The following PRKCD variants were observed in gnomAD, a reference collection of about 807,000 sequenced individuals.
PRKCD encodes protein kinase C delta type.
A neutral mutation model predicts 82.2 loss-of-function variants in PRKCD; 20 were observed. The ratio of observed to expected loss-of-function variants is 0.24; its 90% confidence interval spans 0.17 to 0.35. The LOEUF is 0.35. Ranked by LOEUF, PRKCD falls within the 10% of genes least tolerant of loss-of-function variation. The pLI, the probability that PRKCD is intolerant of heterozygous loss-of-function variation, is 1.00. For missense variants in PRKCD, 607 were observed against 899.0 expected (o/e 0.68, Z 4.15); for synonymous variants, 317 against 337.0 (o/e 0.94, Z 0.65).
chr3:53,183,313 T>C, intron 8 of PRKCD, 107 bp downstream of exon 8: 1 of 1,472,768 alleles, frequency 6.8e-7, no homozygotes, highest in Non-Finnish European at 9.4e-7. Context: ...TCCCTCCCCA[T>C]TTTTCTTAGT....
intron 1 of PRKCD, 23 bp downstream of exon 1, chr3:53,161,451 C>T (rs1446136602): frequency 2.0e-5 from 3 of 151,874 alleles, no homozygotes; most frequent in African/African-American, 7.2e-5. Flanking sequence ...CGGGTCCGGG[C>T]GCGGGATCGG....
Position 53,188,754 on chromosome 3 carries a change from G to A in PRKCD, c.1450G>A (p.Asp484Asn), listed in dbSNP as rs1703807403. ...ACTGGACAATGTGCTGCTGGACCGG[G>A]ATGGCCACATCAAGATTGCCGACTT... The part of the protein sequence containing the change: ...LKLDNVLLDR[D>N]GHIKIADFGM... The change falls in exon 16 of 19, where the codon GAT becomes AAT. Residue 484 changes from aspartate to asparagine, a missense_variant. Physicochemically the swap from Asp to Asn is conservative, Grantham distance 23 (BLOSUM62 1). Transcript: ENST00000330452. 2 of 1,614,094 alleles carry A rather than the reference G, an allele frequency of 1.2e-6. No individual in the cohort carries two copies. Among genetic ancestry groups the A allele is most frequent in the African/African-American group, 2.7e-5 (2 of 74,940 alleles).
At chr3:53,187,311 G>A (rs781888429) in intron 14 of PRKCD, 29 bp from the exon 15 acceptor site, 18 of 1,613,726 alleles carry the variant, frequency 1.1e-5, no homozygotes, top group African/African-American at 9.3e-5. Context: ...CAGAGATCCC[G>A]GAACACTTTA....
chr3:53,188,961 C>T, intron 16 of PRKCD, 97 bp from the exon 17 acceptor site: 1 of 1,580,464 alleles, frequency 6.3e-7, no homozygotes, highest in Non-Finnish European at 8.6e-7. Context: ...AGCCAAAGCC[C>T]ATAGGCTGAG....
chr3:53,164,334 C>T (rs1223784784), intron 1 of PRKCD, among the ~76,000 whole-genome samples: 5 of 152,172 alleles, frequency 3.3e-5, no homozygotes, highest in African/African-American at 1.2e-4. Context: ...CCTGTAATCC[C>T]AGCATTTTGG....
chr3:53,191,146 C>T (rs1182480820), intron 18 of PRKCD, among the ~76,000 whole-genome samples: 1 of 152,150 alleles, frequency 6.6e-6, no homozygotes. Context: ...CACAGTGGCC[C>T]ACACCAGCAC....
intron 2 of PRKCD, among the ~76,000 whole-genome samples, chr3:53,172,787 C>T (rs1703081757): frequency 6.6e-6 from 1 of 152,196 alleles, no homozygotes; most frequent in South Asian, 2.1e-4. Context: ...TCTGAGGCAG[C>T]CTCCCTCTGC....
In PRKCD at chr3:53,169,036, G is replaced by C. The variant is rs1232951131; in HGVS notation, c.-20+3821G>C. Among the ~76,000 whole-genome samples, 1 of 152,124 alleles carries C rather than the reference G, an allele frequency of 6.6e-6. No homozygotes were observed. The highest frequency in any genetic ancestry group is 2.4e-5 in the African/African-American group (1 of 41,402). On this transcript the variant is annotated intron_variant, in intron 2 of 18. Coordinates refer to ENST00000330452, the MANE Select transcript of PRKCD (RefSeq NM_006254.4). This position sits in a 1 kb window ranked among gnomAD's most constrained non-coding sequence, Gnocchi z 4.7. Reference sequence around the variant, plus strand: ...CAGTCAGAAGACAGGTGCAGAGCCTGGGGATGGTGGTGGTGGGAGAAGAGG... The same window carrying C: ...CAGTCAGAAGACAGGTGCAGAGCCTCGGGATGGTGGTGGTGGGAGAAGAGG...
chr3:53,179,738 G>C lies in PRKCD; in HGVS notation c.277G>C (p.Glu93Gln). Residue 93 changes from glutamate (E) to glutamine (Q), a missense_variant, in exon 4 of 19, where the codon GAG (glutamate) becomes CAG (glutamine). By Grantham distance (29) the Glu-to-Gln change is conservative (BLOSUM62 2). Coordinates refer to ENST00000330452, the MANE Select transcript of PRKCD (RefSeq NM_006254.4). The stretch of plus-strand genomic sequence containing the variant: ...GACCGTGGGTGTGTCGGTGCTGGCC[G>C]AGCGCTGCAAGAAGAACAATGGCAA... The part of the protein sequence containing the change: ...EVTVGVSVLA[E>Q]RCKKNNGKAE... 1 of 1,587,152 alleles carries C rather than the reference G, an allele frequency of 6.3e-7. No individual in the cohort carries two copies. Among genetic ancestry groups the C allele is most frequent in the Non-Finnish European group, 8.6e-7 (1 of 1,164,966 alleles).
intron 3 of PRKCD, 129 bp downstream of exon 3, chr3:53,178,666 C>A (rs990339842): frequency 4.0e-6 from 3 of 742,814 alleles, no homozygotes; most frequent in Non-Finnish European, 6.3e-6. Context: ...TGACTCCCTG[C>A]CCCACTCAGC....
intron 1 of PRKCD, among the ~76,000 whole-genome samples, chr3:53,162,410 C>G (rs1003405707): frequency 2.6e-5 from 4 of 152,166 alleles, no homozygotes; most frequent in African/African-American, 9.7e-5. Flanking sequence ...TCAGAAGGAT[C>G]TGCTGTGAGT....
Position 53,189,926 on chromosome 3 carries a change from C to T in PRKCD, c.1797C>T (p.Ile599=). The change falls in exon 18 of 19, where the codon ATC becomes ATT. Residue 599 remains isoleucine, a synonymous_variant. Transcript: ENST00000330452. ...KRLGVTGNIK[I]HPFFKTINWT... Reference sequence around the variant, plus strand: ...TGGGAGTGACCGGAAACATCAAAATCCACCCCTTCTTCAAGACCATAAACT... The same window carrying T: ...TGGGAGTGACCGGAAACATCAAAATTCACCCCTTCTTCAAGACCATAAACT... 6.2e-7 allele frequency: 1 copy of T among 1,614,190 alleles called. No homozygotes were observed. Among genetic ancestry groups the T allele is most frequent in the Non-Finnish European group, 8.5e-7 (1 of 1,180,014 alleles).
intron 17 of PRKCD, 85 bp from the exon 18 acceptor site, chr3:53,189,788 G>C (rs1409831893): frequency 8.2e-6 from 13 of 1,582,658 alleles, no homozygotes; most frequent in Non-Finnish European, 9.5e-6. Flanking sequence ...GCCTGGCTTT[G>C]CATCCCTGGG....
chr3:53,186,423 T>TC, intron 13 of PRKCD, 83 bp downstream of exon 13: 5 of 1,546,168 alleles, frequency 3.2e-6, no homozygotes, highest in Non-Finnish European at 3.5e-6. Flanking sequence ...GGGCTGTGTC[T>TC]CCCCTTCAGG....
At chr3:53,178,686 A>C (rs1553666493) in intron 3 of PRKCD, 149 bp downstream of exon 3, 4 of 682,610 alleles carry the variant, frequency 5.9e-6, no homozygotes, top group African/African-American at 5.4e-5. Context: ...CTATGAAGGC[A>C]GAGGCCACTG....
intron 18 of PRKCD, among the ~76,000 whole-genome samples, chr3:53,190,853 C>T (rs1464052538): frequency 1.3e-5 from 2 of 152,196 alleles, no homozygotes; most frequent in Admixed American, 6.5e-5. Context: ...TCAGACGTGT[C>T]CTGGCTGAGC....
rs782386500 is a variant in PRKCD, at chr3:53,192,299, C to T, written c.*33C>T. ...GGACAGATCAGGCTAGCCCTGCCCT[C>T]CACCCACACCTGCCCGCTCCCCACG... On this transcript the variant is annotated 3_prime_UTR_variant, in exon 19 of 19. Coordinates refer to ENST00000330452, the MANE Select transcript of PRKCD (RefSeq NM_006254.4). 1.2e-5 allele frequency: 20 copies of T among 1,608,042 alleles called. No homozygotes were observed. Among genetic ancestry groups the T allele is most frequent in the Admixed American group, 3.3e-5 (2 of 59,922 alleles).
At chr3:53,168,806 C>A (rs59421033) in intron 2 of PRKCD, among the ~76,000 whole-genome samples, 1 of 120,152 alleles carries the variant, frequency 8.3e-6, no homozygotes, top group Non-Finnish European at 1.7e-5. Context: ...AGCGCCTGCC[C>A]GAGAGGTCAG....
At chr3:53,181,119 G>T (rs1056703745) in intron 4 of PRKCD, 88 bp from the exon 5 acceptor site, 16 of 1,440,560 alleles carry the variant, frequency 1.1e-5, no homozygotes, top group Non-Finnish European at 1.2e-5. Context: ...GGCCTTGGGG[G>T]ACCAGCCATG....
Sources: gnomAD v4.1 joint callset for allele counts (sites outside exome capture counted in the v4.1 genomes callset) on GRCh38, gnomAD v4.1.1 for gene constraint, Gnocchi (gnomAD v3.1) non-coding constraint, MANE v1.5 for transcripts, NCBI Gene and HGNC (gene_info 2026-07-23, HGNC 2026-07-21) for gene names.